The following GATA4 variants were observed in gnomAD, a reference collection of about 807,000 sequenced individuals.
GATA4 encodes the protein GATA binding protein 4.
In GATA4, 7 loss-of-function variants were observed where a neutral mutation model predicts 37.9. That is an observed-to-expected ratio of 0.18 (90% CI 0.11 to 0.35). The LOEUF (loss-of-function observed/expected upper bound fraction) is 0.35. Among genes scored for constraint, GATA4 ranks in the 10% least tolerant of loss-of-function variants. The pLI, the probability that GATA4 is intolerant of heterozygous loss-of-function variation, is 1.00. For missense variants in GATA4, 647 were observed against 653.0 expected, an observed-to-expected ratio of 0.99 and a Z score of 0.10; for synonymous variants, 372 against 292.6, an observed-to-expected ratio of 1.27 and a Z score of -2.77.
intron 2 of GATA4, among the ~76,000 whole-genome samples, chr8:11,728,081 C>T (rs1245570870): frequency 6.6e-6 from 1 of 152,004 alleles, no homozygotes; most frequent in Non-Finnish European, 1.5e-5. Context: ...ACCTCTACCT[C>T]CCAGGTTCAA....
At chr8:11,692,854 A>AT in intron 1 of GATA4, 1 of 979,540 alleles carries the variant, frequency 1.0e-6, no homozygotes, top group Non-Finnish European at 1.2e-6. Context: ...CCGGGGGCTG[A>AT]CCCCGAGCGC....
chr8:11,688,789 A>G (rs1563187762), upstream of GATA4, among the ~76,000 whole-genome samples: 3 of 152,234 alleles, frequency 2.0e-5, no homozygotes, highest in Non-Finnish European at 4.4e-5. Flanking sequence ...AATAAGACAA[A>G]GAATTGATGG....
At chr8:11,726,324 C>T (rs1009162367) in intron 2 of GATA4, among the ~76,000 whole-genome samples, 1 of 152,194 alleles carries the variant, frequency 6.6e-6, no homozygotes, top group Non-Finnish European at 1.5e-5. Context: ...TGAGAGACGC[C>T]AGGGAGACTG....
intron 2 of GATA4, among the ~76,000 whole-genome samples, chr8:11,714,398 G>C (rs1800342355): frequency 6.6e-6 from 1 of 152,182 alleles, no homozygotes; most frequent in Admixed American, 6.5e-5. Flanking sequence ...ACCCCGAAGT[G>C]TTTTCTGGAT....
chr8:11,741,339 C>T (rs1280864813), intron 2 of GATA4, among the ~76,000 whole-genome samples: 3 of 152,036 alleles, frequency 2.0e-5, no homozygotes, highest in South Asian at 2.1e-4. Context: ...ATTAGCTGAG[C>T]GTGGTGGTGT....
In GATA4 at chr8:11,709,000, T is replaced by C. The variant is rs1160302999; in HGVS notation, c.616+72T>C. 2 of 1,434,072 alleles carry C rather than the reference T, an allele frequency of 1.4e-6. No individual in the cohort carries two copies. Among genetic ancestry groups the C allele is most frequent in the Non-Finnish European group, 9.2e-7 (1 of 1,085,984 alleles). 88.8% of individuals were successfully genotyped at this position (1,434,072 alleles called of 1,614,324 possible). ...GCCGTCTTGAGCCCTGTCGAGGGCC[T>C]CTTGTTTTTCCACCAACGCCTTCGT... On this transcript the variant is annotated intron_variant, in intron 2 of 6. Transcript: ENST00000532059. This position sits in a 1 kb window ranked among gnomAD's most constrained non-coding sequence, Gnocchi z 6.7.
intron 2 of GATA4, among the ~76,000 whole-genome samples, chr8:11,726,523 G>C (rs1005519117): frequency 6.6e-6 from 1 of 152,210 alleles, no homozygotes; most frequent in Non-Finnish European, 1.5e-5. Flanking sequence ...AGGGGGACAG[G>C]TGGCAGTGGC....
chr8:11,743,380 C>T (rs1801856220), intron 2 of GATA4, among the ~76,000 whole-genome samples: 1 of 152,254 alleles, frequency 6.6e-6, no homozygotes, highest in African/African-American at 2.4e-5. Flanking sequence ...ACTCTGCCTC[C>T]AGGCATGAGG....
intron 1 of GATA4, chr8:11,681,087 T>A: frequency 2.1e-6 from 2 of 969,240 alleles, no homozygotes; most frequent in Non-Finnish European, 2.5e-6. Context: ...TTGAGGGGCA[T>A]GGGTGGCGCC....
At chr8:11,728,504 G>A (rs1024663337) in intron 2 of GATA4, among the ~76,000 whole-genome samples, 7 of 151,752 alleles carry the variant, frequency 4.6e-5, no homozygotes, top group Non-Finnish European at 8.8e-5. Flanking sequence ...AAGTAGCTGG[G>A]ACTACAGGTG....
At chr8:11,695,782 C>G (rs1799490692) in intron 1 of GATA4, among the ~76,000 whole-genome samples, 1 of 152,152 alleles carries the variant, frequency 6.6e-6, no homozygotes, top group Admixed American at 6.5e-5. Context: ...CTTCCTGCAG[C>G]CTGCCCAAAA....
chr8:11,743,992 T>C (rs1041387704), intron 2 of GATA4, among the ~76,000 whole-genome samples: 3 of 152,218 alleles, frequency 2.0e-5, no homozygotes, highest in African/African-American at 7.2e-5. Context: ...AAACTAATCA[T>C]TAATTAATAC....
intron 1 of GATA4, among the ~76,000 whole-genome samples, chr8:11,695,412 A>G (rs905142406): frequency 6.6e-6 from 1 of 152,172 alleles, no homozygotes; most frequent in African/African-American, 2.4e-5. Context: ...ATCTCAAAAA[A>G]AAAATAAATA....
intron 2 of GATA4, among the ~76,000 whole-genome samples, chr8:11,736,908 C>G (rs1234491461): frequency 2.6e-5 from 4 of 152,176 alleles, no homozygotes; most frequent in African/African-American, 9.7e-5. Flanking sequence ...CTGCCCAGGT[C>G]CACGACTGCA....
chr8:11,687,757 T>G (rs1036748674), upstream of GATA4, among the ~76,000 whole-genome samples: 5 of 152,176 alleles, frequency 3.3e-5, no homozygotes, highest in African/African-American at 4.8e-5. Context: ...ATTGTCTACA[T>G]GAGCTGATAT....
At chr8:11,678,234 A>T (rs1237586202) in intron 1 of GATA4, among the ~76,000 whole-genome samples, 1 of 152,076 alleles carries the variant, frequency 6.6e-6, no homozygotes, top group Non-Finnish European at 1.5e-5. Context: ...GGACCCAGCA[A>T]GCGCTCTTCT....
chr8:11,686,670 A>T (rs1032122899), intron 1 of GATA4, among the ~76,000 whole-genome samples: 1 of 152,200 alleles, frequency 6.6e-6, no homozygotes, highest in Non-Finnish European at 1.5e-5. Flanking sequence ...TGCAGGGGTG[A>T]GTTCCAGACA....
At chr8:11,688,107 C>T (rs1366187076), upstream of GATA4, among the ~76,000 whole-genome samples, 1 of 152,188 alleles carries the variant, frequency 6.6e-6, no homozygotes. Flanking sequence ...AGGAATTATT[C>T]ATCTCTCATT....
intron 2 of GATA4, among the ~76,000 whole-genome samples, chr8:11,741,612 C>G (rs1305672374): frequency 3.3e-5 from 5 of 152,192 alleles, no homozygotes; most frequent in Non-Finnish European, 5.9e-5. Context: ...TCTCCTGGAG[C>G]CAGCAACTGA....
Sources: gnomAD v4.1 joint callset for allele counts (sites outside exome capture counted in the v4.1 genomes callset) on GRCh38, gnomAD v4.1.1 for gene constraint, Gnocchi (gnomAD v3.1) non-coding constraint, MANE v1.5 for transcripts, NCBI Gene and HGNC (gene_info 2026-07-23, HGNC 2026-07-21) for gene names.